Variants in PPP3CA observed in about 807,000 individuals in gnomAD.
PPP3CA encodes the protein protein phosphatase 3 catalytic subunit alpha, also known as CAM-PRP catalytic subunit.
In PPP3CA, 14 loss-of-function variants were observed where a neutral mutation model predicts 66.5. The ratio of observed to expected loss-of-function variants is 0.21; its 90% CI spans 0.14 to 0.33. PPP3CA has a LOEUF of 0.33. Among genes scored for constraint, PPP3CA ranks in the 10% least tolerant of loss-of-function variants. PPP3CA has a pLI of 1.00. For missense variants in PPP3CA, 317 were observed against 639.5 expected, an observed-to-expected ratio of 0.50 and a Z score of 5.44; for synonymous variants, 232 against 226.2, an observed-to-expected ratio of 1.03 and a Z score of -0.23.
chr4:101,340,958 G>C (rs889762627), intron 1 of PPP3CA, among the ~76,000 whole-genome samples: 1 of 152,040 alleles, frequency 6.6e-6, no homozygotes, highest in Non-Finnish European at 1.5e-5. Flanking sequence ...TTCTATTTCT[G>C]TGTATATATT....
intron 3 of PPP3CA, among the ~76,000 whole-genome samples, chr4:101,104,949 A>G (rs1185158702): frequency 6.6e-6 from 1 of 152,134 alleles, no homozygotes; most frequent in Admixed American, 6.5e-5. Flanking sequence ...GAGGACTCCA[A>G]TACATGCATC....
At chr4:101,179,052 A>G (rs73833255) in intron 2 of PPP3CA, among the ~76,000 whole-genome samples, 4,289 of 152,086 alleles carry the variant, frequency 0.028, 218 homozygotes, top group African/African-American at 0.097. Flanking sequence ...GTTATCACCA[A>G]TCTTACAAAT....
intron 1 of PPP3CA, among the ~76,000 whole-genome samples, chr4:101,281,994 A>T (rs1410442415): frequency 6.6e-6 from 1 of 152,212 alleles, no homozygotes; most frequent in Non-Finnish European, 1.5e-5. Flanking sequence ...GGAGCTTTCC[A>T]TATCTACAAA....
At position 101,328,975 on chromosome 4, in the gene PPP3CA, G is replaced by C. The variant is rs949887954; in HGVS notation, c.58+17764C>G. Among the ~76,000 whole-genome samples the C allele has an allele frequency of 3.7e-4, 56 of 151,862 alleles. 1 individual carries two copies. The highest frequency in any genetic ancestry group is 1.3e-3 in the African/African-American group (54 of 41,296). ...TGAGACAAAATAATATTGAAAATGAGGCTTATTAATAACCCTAAAATGGTC... is the reference window on the plus strand; with the variant it reads ...TGAGACAAAATAATATTGAAAATGACGCTTATTAATAACCCTAAAATGGTC... On this transcript the variant is annotated intron_variant, in intron 1 of 13. Transcript: ENST00000394854.
At chr4:101,094,469 AGCCACTT>A (rs1553924545) in intron 5 of PPP3CA, among the ~76,000 whole-genome samples, 1 of 152,206 alleles carries the variant, frequency 6.6e-6, no homozygotes, top group Non-Finnish European at 1.5e-5. Flanking sequence ...CTTTAAAAGT[AGCCACTT>A]GCTATATGAT....
chr4:101,191,104 A>C (rs937751209), intron 2 of PPP3CA, among the ~76,000 whole-genome samples: 2 of 152,222 alleles, frequency 1.3e-5, no homozygotes, highest in African/African-American at 4.8e-5. Flanking sequence ...TGAATCCCAC[A>C]GTGTGGTCCC....
At chr4:101,236,441 C>G (rs933199832) in intron 1 of PPP3CA, among the ~76,000 whole-genome samples, 1 of 151,938 alleles carries the variant, frequency 6.6e-6, no homozygotes, top group Admixed American at 6.6e-5. Flanking sequence ...GGTTGGAGTG[C>G]TAGGCACCAA....
intron 1 of PPP3CA, among the ~76,000 whole-genome samples, chr4:101,270,324 AC>A (rs1727298279): frequency 6.6e-6 from 1 of 151,968 alleles, no homozygotes; most frequent in South Asian, 2.1e-4. Context: ...TCAATCTATT[AC>A]TCTATCACAA....
chr4:101,099,617 G>T lies in PPP3CA; in HGVS notation c.490C>A (p.Gln164Lys). 6.4e-7 allele frequency: 1 copy of T among 1,557,634 alleles called. No individual in the cohort carries two copies. Among genetic ancestry groups the T allele is most frequent in the Non-Finnish European group, 8.8e-7 (1 of 1,142,176 alleles). Residue 164 changes from glutamine (Q) to lysine (K), a missense_variant, in exon 4 of 14, where the codon CAA becomes AAA. Physicochemically the swap from Gln to Lys is moderately conservative, Grantham distance 53. Around this residue, in one of 3 missense-constraint regions of PPP3CA, gnomAD observed 201 missense variants for 501.4 expected, o/e 0.40. Coordinates refer to ENST00000394854, the MANE Select transcript of PPP3CA (RefSeq NM_000944.5). The stretch of plus-strand genomic sequence containing the variant: ...GAGGTTGAAGTATACTTACATTCTT[G>T]TTTAAATGTGAAATACTCTGTTAGA... ...RHLTEYFTFK[Q>K]ECKIKYSERV...
intron 8 of PPP3CA, among the ~76,000 whole-genome samples, chr4:101,078,283 C>T (rs1729278868): frequency 6.6e-6 from 1 of 152,186 alleles, no homozygotes; most frequent in Non-Finnish European, 1.5e-5. Context: ...GCAGGTATCT[C>T]AGGGTCCTTC....
At chr4:101,043,115 A>T (rs1364878232) in intron 10 of PPP3CA, among the ~76,000 whole-genome samples, 3 of 152,226 alleles carry the variant, frequency 2.0e-5, no homozygotes, top group Non-Finnish European at 4.4e-5. Flanking sequence ...TTAGAAGCAC[A>T]ACAAGAAAAG....
At chr4:101,200,457 A>G (rs763234715) in intron 1 of PPP3CA, among the ~76,000 whole-genome samples, 2 of 152,178 alleles carry the variant, frequency 1.3e-5, no homozygotes, top group African/African-American at 2.4e-5. Context: ...CCTGGGATGT[A>G]TAAAAATATG....
intron 1 of PPP3CA, among the ~76,000 whole-genome samples, chr4:101,215,507 A>C (rs540417940): frequency 1.3e-5 from 2 of 152,182 alleles, no homozygotes; most frequent in South Asian, 2.1e-4. Flanking sequence ...TTAATTATCT[A>C]TTAACAATCC....
intron 8 of PPP3CA, among the ~76,000 whole-genome samples, chr4:101,066,900 C>T (rs28396919): frequency 0.12 from 17,699 of 152,112 alleles, 1,826 homozygotes; most frequent in African/African-American, 0.27. Context: ...AATAGTTGTA[C>T]TTCAATAATC....
rs1729888772 is a variant in PPP3CA, at chr4:101,343,634, G to A, written c.58+3105C>T. 2.0e-5 allele frequency among the ~76,000 whole-genome samples: 3 copies of A among 152,108 alleles called. 1 individual carries two copies. Among genetic ancestry groups the A allele is most frequent in the Admixed American group, 6.5e-5 (1 of 15,272 alleles). Reference sequence around the variant, plus strand: ...ATCCAAGAAGAGTCAAAATGATACAGCACTAGTTTTGCTAACTGAAGTAAC... The same window carrying A: ...ATCCAAGAAGAGTCAAAATGATACAACACTAGTTTTGCTAACTGAAGTAAC... On this transcript the variant is annotated intron_variant, in intron 1 of 13. Coordinates refer to ENST00000394854, the MANE Select transcript of PPP3CA (RefSeq NM_000944.5).
At chr4:101,197,970 T>C (rs866932950) in intron 1 of PPP3CA, among the ~76,000 whole-genome samples, 7 of 152,336 alleles carry the variant, frequency 4.6e-5, no homozygotes, top group East Asian at 1.9e-4. Flanking sequence ...CTTCTTAGAA[T>C]TGAAATTCTA....
chr4:101,096,545 AT>A (rs1410816463), intron 5 of PPP3CA, among the ~76,000 whole-genome samples: 3 of 152,196 alleles, frequency 2.0e-5, no homozygotes, highest in African/African-American at 7.2e-5. Flanking sequence ...TGTTCAAATA[AT>A]TAAAACACTA....
intron 2 of PPP3CA, among the ~76,000 whole-genome samples, chr4:101,120,136 T>G (rs1227905638): frequency 6.6e-6 from 1 of 152,100 alleles, no homozygotes; most frequent in South Asian, 2.1e-4. Flanking sequence ...AAAATCTATC[T>G]TTCATTCCCT....
chr4:101,252,770 CT>C (rs1475106725), intron 1 of PPP3CA, among the ~76,000 whole-genome samples: 3 of 152,146 alleles, frequency 2.0e-5, no homozygotes, highest in African/African-American at 7.2e-5. Flanking sequence ...ACTTTTGGGC[CT>C]TGCCCTCTTG....
Sources: allele counts gnomAD v4.1 joint callset (sites outside exome capture counted in the v4.1 genomes callset), GRCh38; gene constraint gnomAD v4.1.1; regional missense constraint gnomAD v4.1.1; transcripts MANE v1.5; gene names NCBI Gene and HGNC (gene_info 2026-07-23, HGNC 2026-07-21).